The following PARD6G variants were observed in gnomAD, a reference collection of about 807,000 sequenced individuals.
PARD6G encodes partitioning defective 6 homolog gamma.
PARD6G carries 7 observed loss-of-function variants against 10.7 expected under a neutral mutation model. The observed-to-expected ratio is 0.66, with a 90% CI of 0.37 to 1.23. The LOEUF (loss-of-function observed/expected upper bound fraction) is 1.23, where lower values mean the gene tolerates loss of function less well. PARD6G is among the 50% of genes most tolerant of loss of function. The pLI, the probability that PARD6G is intolerant of heterozygous loss-of-function variation, is 0.02. For synonymous variants in PARD6G, 287 were observed against 269.4 expected (o/e 1.07, Z -0.64); for missense variants, 548 against 571.8 (o/e 0.96, Z 0.42).
chr18:80,178,820 C>G (rs542586437), intron 2 of PARD6G, among the ~76,000 whole-genome samples: 1 of 121,148 alleles, frequency 8.3e-6, no homozygotes, highest in East Asian at 2.8e-4. Flanking sequence ...CTCCTTTGCC[C>G]TGCCCCATCA....
rs116880923 is a variant in PARD6G at position 80,226,567 on chromosome 18, C to T, written c.72+20710G>A. ...AAACAATGGTAGCACACTACCAACA[C>T]CGGTCTACTTCATGCTTTTTTCACT... On this transcript the variant is annotated intron_variant, in intron 1 of 2. Transcript: ENST00000353265. Among the ~76,000 whole-genome samples the T allele has an allele frequency of 3.0e-3, 455 of 152,312 alleles. 1 individual carries two copies. Among genetic ancestry groups the T allele is most frequent in the Middle Eastern group, 6.8e-3 (2 of 294 alleles).
intron 1 of PARD6G, among the ~76,000 whole-genome samples, chr18:80,217,840 G>A (rs914079053): frequency 8.0e-5 from 11 of 137,884 alleles, no homozygotes; most frequent in Non-Finnish European, 1.7e-4. Context: ...TGCAGGGCTG[G>A]GAGGCCTCAG....
In PARD6G at chr18:80,189,597, C is replaced by G. The variant is rs2052896609; in HGVS notation, c.295+13113G>C. Among the ~76,000 whole-genome samples, 1 of 152,186 alleles carries G rather than the reference C, an allele frequency of 6.6e-6. No individual in the cohort carries two copies. The highest frequency in any genetic ancestry group is 2.4e-5 in the African/African-American group (1 of 41,440). On this transcript the variant is annotated intron_variant, in intron 2 of 2. Transcript: ENST00000353265. The surrounding 1 kb of genome is among the most constrained non-coding windows in gnomAD (Gnocchi z 5.5). ...TCTTACCCGCTAACTGACACCACGT[C>G]AGGAGCCCACCAGGCCAGGCAGGTC...
intron 2 of PARD6G, among the ~76,000 whole-genome samples, chr18:80,164,376 C>A (rs2052721293): frequency 6.6e-6 from 1 of 152,238 alleles, no homozygotes; most frequent in Non-Finnish European, 1.5e-5. Flanking sequence ...AACCCTCCAA[C>A]CTGTGAGGGG....
At chr18:80,212,041 T>C (rs1178160131) in intron 1 of PARD6G, among the ~76,000 whole-genome samples, 3 of 152,148 alleles carry the variant, frequency 2.0e-5, no homozygotes, top group Non-Finnish European at 4.4e-5. Context: ...GTTATTTCAC[T>C]ACAATACTGA....
At chr18:80,211,167 A>G (rs2145286972) in intron 1 of PARD6G, among the ~76,000 whole-genome samples, 1 of 152,250 alleles carries the variant, frequency 6.6e-6, no homozygotes, top group South Asian at 2.1e-4. Flanking sequence ...GCAGCTATTT[A>G]TATTTCTTAT....
chr18:80,224,657 C>T (rs1967270201), intron 1 of PARD6G, among the ~76,000 whole-genome samples: 1 of 152,170 alleles, frequency 6.6e-6, no homozygotes, highest in Admixed American at 6.5e-5. Context: ...ACCAACCTGG[C>T]TAACACGGTG....
intron 2 of PARD6G, among the ~76,000 whole-genome samples, chr18:80,195,576 C>CAT: frequency 1.8e-5 from 1 of 56,920 alleles, no homozygotes; most frequent in Admixed American, 1.9e-4. Flanking sequence ...TATATATACA[C>CAT]ACATTTTTTT....
At chr18:80,167,408 C>A (rs2052744049) in intron 2 of PARD6G, among the ~76,000 whole-genome samples, 1 of 152,290 alleles carries the variant, frequency 6.6e-6, no homozygotes. Flanking sequence ...CATGCAGCAG[C>A]TCACTCAGGG....
intron 1 of PARD6G, among the ~76,000 whole-genome samples, chr18:80,232,674 T>C (rs1257516454): frequency 6.6e-6 from 1 of 151,830 alleles, no homozygotes; most frequent in Non-Finnish European, 1.5e-5. Flanking sequence ...CAATTCAAGA[T>C]GAGATTTGGG....
chr18:80,171,629 T>A (rs1408216916), intron 2 of PARD6G: 1 of 152,268 alleles, frequency 6.6e-6, no homozygotes, highest in Non-Finnish European at 1.5e-5. Flanking sequence ...AGTCCGTTTC[T>A]CCCAATGCCT....
intron 2 of PARD6G, among the ~76,000 whole-genome samples, chr18:80,165,335 C>T (rs1457121017): frequency 6.6e-6 from 1 of 152,164 alleles, no homozygotes; most frequent in Non-Finnish European, 1.5e-5. Context: ...TTTATAGGCT[C>T]TCTGCAAGAA....
At chr18:80,207,220 A>G (rs1967063214) in intron 1 of PARD6G, among the ~76,000 whole-genome samples, 1 of 89,302 alleles carries the variant, frequency 1.1e-5, no homozygotes, top group Non-Finnish European at 2.9e-5. Flanking sequence ...AGTAAATGAA[A>G]GATTCTTCAG....
At chr18:80,213,655 A>G (rs1400359541) in intron 1 of PARD6G, among the ~76,000 whole-genome samples, 4 of 152,218 alleles carry the variant, frequency 2.6e-5, no homozygotes, top group Non-Finnish European at 4.4e-5. Flanking sequence ...GAAAGGTCCT[A>G]TTCTTTAAAA....
chr18:80,177,047 A>ACC (rs1555734774), intron 2 of PARD6G, among the ~76,000 whole-genome samples: 10 of 144,458 alleles, frequency 6.9e-5, no homozygotes, highest in African/African-American at 1.8e-4. Flanking sequence ...ACACACACAC[A>ACC]CCACAGTATA....
rs573117613 is a variant in PARD6G at position 80,174,871 on chromosome 18, G to A, written c.296-14265C>T. Among the ~76,000 whole-genome samples, 387 of 152,160 alleles carry A rather than the reference G, an allele frequency of 2.5e-3. 2 individuals are homozygous for A. The highest frequency in any genetic ancestry group is 8.7e-3 in the African/African-American group (363 of 41,522). On this transcript the variant is annotated intron_variant, in intron 2 of 2. Coordinates refer to ENST00000353265, the MANE Select transcript of PARD6G (RefSeq NM_032510.4). ...CGAGAGGCTGAGGCAGGAGAATGGCGTGAACCCGGGAGGCGGAGAGTGAGC... is the reference window on the plus strand; with the variant it reads ...CGAGAGGCTGAGGCAGGAGAATGGCATGAACCCGGGAGGCGGAGAGTGAGC...
chr18:80,229,103 T>TA (rs1172470271), intron 1 of PARD6G, among the ~76,000 whole-genome samples: 1 of 152,088 alleles, frequency 6.6e-6, no homozygotes, highest in African/African-American at 2.4e-5. Context: ...CACACCCGGC[T>TA]AATTTTTTGT....
At chr18:80,222,025 A>C (rs976536707) in intron 1 of PARD6G, among the ~76,000 whole-genome samples, 6 of 152,206 alleles carry the variant, frequency 3.9e-5, no homozygotes, top group African/African-American at 1.4e-4. Flanking sequence ...GAAAAAATAA[A>C]GAAGATCTAA....
At chr18:80,215,195 C>G (rs990324912) in intron 1 of PARD6G, among the ~76,000 whole-genome samples, 2 of 152,026 alleles carry the variant, frequency 1.3e-5, no homozygotes, top group East Asian at 3.8e-4. Context: ...GAATAATAAA[C>G]AAATAACACT....
Sources: gnomAD v4.1 joint callset for allele counts (sites outside exome capture counted in the v4.1 genomes callset) on GRCh38, gnomAD v4.1.1 for gene constraint, Gnocchi (gnomAD v3.1) non-coding constraint, MANE v1.5 for transcripts, NCBI Gene and HGNC (gene_info 2026-07-23, HGNC 2026-07-21) for gene names.